Variants in TNK2 observed in about 807,000 individuals in gnomAD.
The protein encoded by TNK2 is tyrosine kinase non receptor 2.
TNK2 carries 83 observed loss-of-function variants against 101.8 expected under a neutral mutation model. The observed-to-expected ratio is 0.82, with a 90% CI of 0.68 to 0.98. The LOEUF is 0.98. Among genes scored for constraint, TNK2 ranks in the 50% least tolerant of loss-of-function variants. TNK2 has a pLI of 0.00. For missense variants in TNK2, 1,665 were observed against 1,483.2 expected, an observed-to-expected ratio of 1.12 and a Z score of -2.01; for synonymous variants, 804 against 633.0, an observed-to-expected ratio of 1.27 and a Z score of -4.06.
At position 195,867,771 on chromosome 3, in the gene TNK2, C is replaced by A. The variant is rs552313951; in HGVS notation, c.2527G>T (p.Ala843Ser). The A allele has an allele frequency of 2.5e-6, 4 of 1,584,020 alleles. No individual in the cohort carries two copies. The South Asian group carries it at 4.6e-5, about 18-fold the overall frequency. The change falls in exon 13 of 16, where the codon GCC becomes TCC. Residue 843 changes from alanine (A) to serine (S), a missense_variant. Around this residue, in one of 3 missense-constraint regions of TNK2, gnomAD observed 1,136 missense variants for 894.9 expected, o/e 1.27. Transcript: ENST00000672887. ...GGGGCCTGGATCACCTGGGGGGTGG[C>A]GTACTTGGGGTCTGAGGCAAAGCTC... is the stretch of plus-strand genomic sequence containing the variant. ...TQSFASDPKY[A>S]TPQVIQAPGP...
intron 11 of TNK2, 106 bp from the exon 12 acceptor site, chr3:195,869,647 A>G: frequency 8.6e-7 from 1 of 1,159,908 alleles, no homozygotes; most frequent in Non-Finnish European, 1.3e-6. Context: ...ACGAAGGGAG[A>G]GAAGTGAATG....
At position 195,886,473 on chromosome 3, in the gene TNK2, C is replaced by T. The variant is rs1393580551; in HGVS notation, c.234+504G>A. On this transcript the variant is annotated intron_variant, in intron 3 of 15. Transcript: ENST00000672887. The surrounding 1 kb of genome is among the most constrained non-coding windows in gnomAD (Gnocchi z 4.2). ...ACTGAGTCAGACCAGGGACTCACTA[C>T]ACCACAGACCCAAATTAGGACAAGG... 1.3e-5 allele frequency among the ~76,000 whole-genome samples: 2 copies of T among 152,142 alleles called. No individual in the cohort carries two copies. The highest frequency in any genetic ancestry group is 2.9e-5 in the Non-Finnish European group (2 of 68,032).
chr3:195,872,877 C>T (rs544827573), intron 9 of TNK2: 16 of 185,800 alleles, frequency 8.6e-5, no homozygotes, highest in East Asian at 3.2e-4. Flanking sequence ...CTGGCAAGGC[C>T]GGGGCCCCAG....
At chr3:195,884,040 A>T (rs867114153) in intron 4 of TNK2, 5 of 152,356 alleles carry the variant, frequency 3.3e-5, no homozygotes, top group Non-Finnish European at 4.4e-5. Context: ...ACCGCACGTG[A>T]TCTGAGCAGT....
chr3:195,875,722 G>C lies in TNK2; in HGVS notation c.1256+2531C>G, dbSNP rs534467137. 3.8e-3 allele frequency among the ~76,000 whole-genome samples: 577 copies of C among 152,264 alleles called. 3 individuals are homozygous for C. The highest frequency in any genetic ancestry group is 0.024 in the Middle Eastern group (7 of 294). On this transcript the variant is annotated intron_variant, in intron 9 of 15. Transcript: ENST00000672887. ...CATGGGAGGGCCAGGGCTGCTACCC[G>C]GCCGTGACTGAAGCAGGGGCGGATG...
chr3:195,880,127 C>T lies in TNK2; in HGVS notation c.888-952G>A, dbSNP rs1361532103. Among the ~76,000 whole-genome samples, 46 of 152,216 alleles carry T rather than the reference C, an allele frequency of 3.0e-4. 1 individual carries two copies. The highest frequency in any genetic ancestry group is 3.0e-3 in the Admixed American group (46 of 15,304). ...GCCTCAAAGCAGGCAGATCACAGAC[C>T]TCTGGGTGCCTCTGGCACCAGAGAA... On this transcript the variant is annotated intron_variant, in intron 6 of 15. Transcript: ENST00000672887.
chr3:195,864,261 A>C, intron 15 of TNK2, 74 bp from the exon 16 acceptor site: 2 of 1,572,304 alleles, frequency 1.3e-6, no homozygotes, highest in Non-Finnish European at 1.7e-6. Flanking sequence ...CGGGGGTCAC[A>C]CTGGTGCCAG....
In TNK2 at chr3:195,870,134, T is replaced by C. The variant is rs1743993432; in HGVS notation, c.1523A>G (p.Gln508Arg). ...CTTACTTTTCACCCCTCCTAGATGC[T>C]GGGGGGGCCGGGAGGTGCTCAGTTC... Reference protein sequence around the residue: ...SVELSTSRPPQHLGGVKREPP... With the variant: ...SVELSTSRPPRHLGGVKREPP... Residue 508 changes from glutamine (Q) to arginine (R), a missense_variant, in exon 11 of 16, where the codon CAG becomes CGG. Physicochemically the swap from Gln to Arg is conservative, Grantham distance 43. Around this residue, in one of 3 missense-constraint regions of TNK2, gnomAD observed 1,136 missense variants for 894.9 expected, o/e 1.27. Transcript: ENST00000672887. 7.2e-7 allele frequency: 1 copy of C among 1,393,394 alleles called. No homozygotes were observed. The highest frequency in any genetic ancestry group is 9.4e-7 in the Non-Finnish European group (1 of 1,059,442). 86.3% of individuals were successfully genotyped at this position (1,393,394 alleles called of 1,614,324 possible). A position where few individuals can be genotyped will look rare whatever the true frequency, so the allele number is the denominator to read the frequency against.
In TNK2 at chr3:195,872,418, G is replaced by T; in HGVS notation, c.1309C>A (p.Pro437Thr). 1 of 1,612,670 alleles carries T rather than the reference G, an allele frequency of 6.2e-7. No homozygotes were observed. Among genetic ancestry groups the T allele is most frequent in the African/African-American group, 1.3e-5 (1 of 75,050 alleles). The change falls in exon 10 of 16, where the codon CCC becomes ACC. Residue 437 changes from proline (P) to threonine (T), a missense_variant. Pro to Thr is a conservative substitution (Grantham distance 38, BLOSUM62 -1). This residue lies in a region of TNK2 where 1,136 missense variants were observed against 894.9 expected (regional missense o/e 1.27). Coordinates refer to ENST00000672887, the MANE Select transcript of TNK2 (RefSeq NM_001382273.1). Reference protein sequence around the residue: ...GQNTRTLCVGPFPRNVVTSVA... With the variant: ...GQNTRTLCVGTFPRNVVTSVA... The stretch of plus-strand genomic sequence containing the variant: ...GAGGTCACCACGTTGCGAGGGAAGG[G>T]CCCCACACACAGCGTCCGTGTGTTC...
intron 1 of TNK2, chr3:195,894,350 G>C (rs533761178): frequency 6.6e-6 from 1 of 152,300 alleles, no homozygotes; most frequent in African/African-American, 2.4e-5. Context: ...CCTGTAACTG[G>C]CCCAGTAATC....
intron 9 of TNK2, chr3:195,876,578 G>A (rs899993554): frequency 2.2e-5 from 10 of 456,250 alleles, no homozygotes; most frequent in African/African-American, 6.0e-5. Flanking sequence ...AAGCCTCACC[G>A]GCTGTTGTGG....
chr3:195,895,150 T>A, intron 1 of TNK2: 3 of 1,250,844 alleles, frequency 2.4e-6, no homozygotes, highest in Non-Finnish European at 3.2e-6. Flanking sequence ...CTCTCACTCC[T>A]GAGGCCGCCG....
At chr3:195,865,946 G>A (rs1346734920) in intron 15 of TNK2, among the ~76,000 whole-genome samples, 8 of 152,176 alleles carry the variant, frequency 5.3e-5, no homozygotes, top group African/African-American at 1.4e-4. Context: ...ACAGGGCCAC[G>A]CTGCTGGGAC....
chr3:195,881,964 A>T, intron 6 of TNK2, 87 bp downstream of exon 6: 1 of 1,488,156 alleles, frequency 6.7e-7, no homozygotes, highest in South Asian at 1.3e-5. Context: ...AAGCAAAACC[A>T]GGGGCTGTGG....
Position 195,866,579 on chromosome 3 carries a change from G to C in TNK2, c.3161+310C>G, listed in dbSNP as rs180857284. Among the ~76,000 whole-genome samples, 184 of 152,326 alleles carry C rather than the reference G, an allele frequency of 1.2e-3. 1 individual carries two copies. The highest frequency in any genetic ancestry group is 4.3e-3 in the African/African-American group (177 of 41,576). On this transcript the variant is annotated intron_variant, in intron 15 of 15. Coordinates refer to ENST00000672887, the MANE Select transcript of TNK2 (RefSeq NM_001382273.1). ...GAGAAAGAGGTGTGCAAATCATGGGGTCCTAAAAAGTGCCATTCCTGGAGC... is the reference window on the plus strand; with the variant it reads ...GAGAAAGAGGTGTGCAAATCATGGGCTCCTAAAAAGTGCCATTCCTGGAGC...
chr3:195,886,919 C>T lies in TNK2; in HGVS notation c.234+58G>A, dbSNP rs1157506277. 1.5e-5 allele frequency: 23 copies of T among 1,583,686 alleles called. No homozygotes were observed. Among genetic ancestry groups the T allele is most frequent in the East Asian group, 4.5e-5 (2 of 44,716 alleles). On this transcript the variant is annotated intron_variant, in intron 3 of 15. Transcript: ENST00000672887. This position sits in a 1 kb window ranked among gnomAD's most constrained non-coding sequence, Gnocchi z 4.2. ...TGGGGAAGGTTCCCAGGACCAGAAG[C>T]GGAGGGGGGCGTTCGAGGCTGCCCC...
chr3:195,879,028 G>A, intron 7 of TNK2, 21 bp downstream of exon 7: 2 of 1,611,514 alleles, frequency 1.2e-6, no homozygotes, highest in Non-Finnish European at 8.5e-7. Flanking sequence ...GCCCTATGGG[G>A]GCCCGTCTCC....
rs1741872926 is a variant in TNK2, at chr3:195,867,731, C to T, written c.2567G>A (p.Gly856Asp). 3 of 1,603,818 alleles carry T rather than the reference C, an allele frequency of 1.9e-6. No homozygotes were observed. Among genetic ancestry groups the T allele is most frequent in the Non-Finnish European group, 2.6e-6 (3 of 1,176,280 alleles). ...CCGGACGATGGGCAGGATGCAGGGACCAGCCCGCGGGCCAGGGGCCTGGAT... is the reference window on the plus strand; with the variant it reads ...CCGGACGATGGGCAGGATGCAGGGATCAGCCCGCGGGCCAGGGGCCTGGAT... ...QVIQAPGPRAGPCILPIVRDG... is the reference protein window; with the variant it reads ...QVIQAPGPRADPCILPIVRDG... Residue 856 changes from glycine to aspartate, a missense_variant, in exon 13 of 16, where the codon GGT becomes GAT. Gly to Asp is a moderately conservative substitution (Grantham distance 94). Around this residue, in one of 3 missense-constraint regions of TNK2, gnomAD observed 1,136 missense variants for 894.9 expected, o/e 1.27. Coordinates refer to ENST00000672887, the MANE Select transcript of TNK2 (RefSeq NM_001382273.1).
chr3:195,884,719 C>G (rs1051296866), intron 4 of TNK2, 93 bp downstream of exon 4: 1 of 1,189,642 alleles, frequency 8.4e-7, no homozygotes, highest in Non-Finnish European at 1.2e-6. Context: ...GACGCATCCC[C>G]AGTCCCATCC....
Sources: gnomAD v4.1 joint callset for allele counts (sites outside exome capture counted in the v4.1 genomes callset) on GRCh38, gnomAD v4.1.1 for gene constraint, gnomAD v4.1.1 regional missense constraint, Gnocchi (gnomAD v3.1) non-coding constraint, MANE v1.5 for transcripts, NCBI Gene and HGNC (gene_info 2026-07-23, HGNC 2026-07-21) for gene names.